VAT1L: variants seen among roughly 807,000 people sequenced by gnomAD.
VAT1L encodes vesicle amine transport 1 like.
A neutral mutation model predicts 44.1 loss-of-function variants in VAT1L; 34 were observed. That is an observed-to-expected ratio of 0.77 (90% CI 0.59 to 1.03). VAT1L has a LOEUF of 1.03. VAT1L is among the 50% of genes least tolerant of loss of function. VAT1L has a pLI of 0.00. For missense variants in VAT1L, 615 were observed against 538.8 expected (o/e 1.14, Z -1.40); for synonymous variants, 253 against 202.2 (o/e 1.25, Z -2.13).
At chr16:77,833,480 T>C (rs1041425614) in intron 3 of VAT1L, among the ~76,000 whole-genome samples, 9 of 152,116 alleles carry the variant, frequency 5.9e-5, no homozygotes, top group East Asian at 3.9e-4. Context: ...GGGCTGGGCG[T>C]GGTGGCTTAC....
At chr16:77,797,469 G>C (rs1040260352) in intron 1 of VAT1L, among the ~76,000 whole-genome samples, 46 of 152,194 alleles carry the variant, frequency 3.0e-4, no homozygotes, top group African/African-American at 1.0e-3. Context: ...GGTTGGGAAT[G>C]GATTTGGACT....
chr16:77,956,234 T>A lies in VAT1L; in HGVS notation c.1078-15616T>A, dbSNP rs187895749. Reference sequence around the variant, plus strand: ...ATGTACCCACAAAGATTAAAAATTTTAAAAATTTTTAATTAAAAAGAAAAA... The same window carrying A: ...ATGTACCCACAAAGATTAAAAATTTAAAAAATTTTTAATTAAAAAGAAAAA... On this transcript the variant is annotated intron_variant, in intron 7 of 8. Transcript: ENST00000302536. Among the ~76,000 whole-genome samples the A allele has an allele frequency of 2.1e-3, 314 of 152,232 alleles. 3 individuals carry two copies. The South Asian group carries it at 0.048, about 23-fold the overall frequency.
At chr16:77,865,065 C>A (rs1469477708) in intron 4 of VAT1L, among the ~76,000 whole-genome samples, 1 of 150,220 alleles carries the variant, frequency 6.7e-6, no homozygotes, top group African/African-American at 2.5e-5. Flanking sequence ...GCTCCACCTC[C>A]TGGGTTCACG....
intron 1 of VAT1L, among the ~76,000 whole-genome samples, chr16:77,790,763 A>G (rs1250145269): frequency 2.0e-5 from 3 of 152,186 alleles, no homozygotes; most frequent in African/African-American, 7.2e-5. Context: ...AAATGATAAA[A>G]CTACTTTTTA....
chr16:77,947,104 G>A (rs1361697986), intron 7 of VAT1L, among the ~76,000 whole-genome samples: 2 of 152,212 alleles, frequency 1.3e-5, no homozygotes, highest in East Asian at 1.9e-4. Context: ...AAGAAAGGGT[G>A]AGCCCTTTTC....
intron 1 of VAT1L, among the ~76,000 whole-genome samples, chr16:77,794,854 C>G (rs147683765): frequency 6.6e-6 from 1 of 152,092 alleles, no homozygotes; most frequent in African/African-American, 2.4e-5. Context: ...AGTGCTAGCT[C>G]GGGTCATTTT....
chr16:77,929,742 C>T (rs1258216951), intron 7 of VAT1L, among the ~76,000 whole-genome samples: 3 of 152,146 alleles, frequency 2.0e-5, no homozygotes, highest in Non-Finnish European at 4.4e-5. Flanking sequence ...TTGGAATTAT[C>T]CCCATTTTAT....
At chr16:77,860,514 A>G (rs1166008825) in intron 3 of VAT1L, among the ~76,000 whole-genome samples, 1 of 152,222 alleles carries the variant, frequency 6.6e-6, no homozygotes, top group Non-Finnish European at 1.5e-5. Context: ...GAATAAATGA[A>G]TATCCTATTT....
intron 3 of VAT1L, among the ~76,000 whole-genome samples, chr16:77,827,679 A>G (rs547003286): frequency 6.6e-6 from 1 of 152,294 alleles, no homozygotes; most frequent in South Asian, 2.1e-4. Context: ...AATAGGGGGA[A>G]ATGGTCATCC....
rs188893286 is a variant in VAT1L, at chr16:77,973,019, C to A, written c.1161+1086C>A. Among the ~76,000 whole-genome samples the A allele has an allele frequency of 2.2e-3, 338 of 151,772 alleles. 1 individual carries two copies. Among genetic ancestry groups the A allele is most frequent in the African/African-American group, 7.7e-3 (320 of 41,406 alleles). ...TTTTTTCTTTCACCAGAATAAAACC[C>A]TTATATCCCAGGGATACCACCAGGA... On this transcript the variant is annotated intron_variant, in intron 8 of 8. Transcript: ENST00000302536.
At chr16:77,886,337 A>G (rs1597083410) in intron 7 of VAT1L, among the ~76,000 whole-genome samples, 2 of 152,178 alleles carry the variant, frequency 1.3e-5, no homozygotes, top group South Asian at 2.1e-4. Context: ...TGGGTTCTCA[A>G]TGGTCAGGAA....
At chr16:77,908,464 C>CAA (rs11418351) in intron 7 of VAT1L, among the ~76,000 whole-genome samples, 3,960 of 38,922 alleles carry the variant, frequency 0.1, 728 homozygotes, top group African/African-American at 0.13. Flanking sequence ...GGTTCTGTCT[C>CAA]AAAAAAAAAA....
chr16:77,861,761 C>T (rs142089018), intron 3 of VAT1L, among the ~76,000 whole-genome samples: 11 of 152,324 alleles, frequency 7.2e-5, no homozygotes, highest in Middle Eastern at 6.8e-3. Context: ...CAGAAGCAGC[C>T]CTCAACAAGT....
chr16:77,838,672 T>A (rs1377597726), intron 3 of VAT1L, among the ~76,000 whole-genome samples: 1 of 152,010 alleles, frequency 6.6e-6, no homozygotes, highest in Non-Finnish European at 1.5e-5. Flanking sequence ...CCTCCCTGCC[T>A]CTCTGTTCCT....
chr16:77,877,512 CAAAAAAAAAAAAAAAA>C (rs55704400), intron 5 of VAT1L, among the ~76,000 whole-genome samples: 40 of 86,822 alleles, frequency 4.6e-4, no homozygotes, highest in East Asian at 2.0e-3. Context: ...GACTCTGTCT[CAAAAAAAAAAAAAAAA>C]AAAAAAAAAA....
intron 7 of VAT1L, among the ~76,000 whole-genome samples, chr16:77,908,438 T>C (rs1414195115): frequency 4.3e-4 from 38 of 88,608 alleles, no homozygotes; most frequent in Non-Finnish European, 6.3e-4. Flanking sequence ...CCCTCCAGGC[T>C]GGGGGACAAG....
intron 7 of VAT1L, among the ~76,000 whole-genome samples, chr16:77,965,727 C>T (rs1042893635): frequency 6.6e-6 from 1 of 152,196 alleles, no homozygotes. Flanking sequence ...GAGATAGCTG[C>T]CCAGGCCAGG....
chr16:77,810,695 A>G (rs975266061), intron 1 of VAT1L, among the ~76,000 whole-genome samples: 4 of 152,118 alleles, frequency 2.6e-5, no homozygotes, highest in Non-Finnish European at 2.9e-5. Flanking sequence ...AATGATATAG[A>G]GAATGAATGT....
chr16:77,873,331 G>A (rs1261707247), intron 4 of VAT1L, among the ~76,000 whole-genome samples: 1 of 152,182 alleles, frequency 6.6e-6, no homozygotes, highest in Non-Finnish European at 1.5e-5. Flanking sequence ...CTGCCTCATA[G>A]GCTTTTTGTG....
Sources: allele counts gnomAD v4.1 joint callset (sites outside exome capture counted in the v4.1 genomes callset), GRCh38; gene constraint gnomAD v4.1.1; transcripts MANE v1.5; gene names NCBI Gene and HGNC (gene_info 2026-07-23, HGNC 2026-07-21).